Variants in BRK1 observed in about 807,000 individuals in gnomAD.
BRK1 encodes the protein protein BRICK1.
A neutral mutation model predicts 9.9 loss-of-function variants in BRK1; 6 were observed. The ratio of observed to expected loss-of-function variants is 0.60; its 90% CI spans 0.33 to 1.19. BRK1 has a LOEUF of 1.19. BRK1 is among the 50% of genes most tolerant of loss of function. The probability of loss-of-function intolerance (pLI) is 0.04; values close to 1 mark genes in which losing one functional copy is unlikely to be tolerated. For missense variants in BRK1, 62 were observed against 97.5 expected, an observed-to-expected ratio of 0.64 and a Z score of 1.53; for synonymous variants, 44 against 31.9, an observed-to-expected ratio of 1.38 and a Z score of -1.28.
rs869148224 is a variant in BRK1 at position 10,123,438 on chromosome 3, C to CTTTTTT, written c.119-2178_119-2173dup. On this transcript the variant is annotated intron_variant, in intron 1 of 2. Coordinates refer to ENST00000530758, the MANE Select transcript of BRK1 (RefSeq NM_018462.5). ...GCTTTCTTGGCCTCTACTTTCTTTC[C>CTTTTTT]TTTTTTTTTTTTTTTGAGACGGAGT... Among the ~76,000 whole-genome samples, 17,129 of 135,516 alleles carry CTTTTTT rather than the reference C, an allele frequency of 0.13. 1,456 individuals are homozygous for CTTTTTT. Among genetic ancestry groups the CTTTTTT allele is most frequent in the African/African-American group, 0.22 (7,675 of 35,224 alleles). The allele number at this position is 135,516 out of a possible 152,430, so 88.9% of individuals were successfully genotyped here.
At chr3:10,119,183 A>T (rs2125117327) in intron 1 of BRK1, among the ~76,000 whole-genome samples, 1 of 150,912 alleles carries the variant, frequency 6.6e-6, no homozygotes, top group Non-Finnish European at 1.5e-5. Flanking sequence ...GAGGCCAGGC[A>T]CAGTGGCTCA....
intron 1 of BRK1, among the ~76,000 whole-genome samples, chr3:10,122,498 G>T (rs1352778139): frequency 2.6e-5 from 4 of 151,920 alleles, no homozygotes; most frequent in Non-Finnish European, 4.4e-5. Flanking sequence ...TTGAGTTCAG[G>T]AGTTTGAGAT....
chr3:10,125,368 G>A (rs1033360787), intron 1 of BRK1, among the ~76,000 whole-genome samples: 6 of 152,072 alleles, frequency 3.9e-5, no homozygotes, highest in African/African-American at 9.7e-5. Context: ...TCCTCCCAAA[G>A]TGCTAGGATT....
intron 1 of BRK1, 84 bp downstream of exon 1, chr3:10,115,903 G>A (rs1695678347): frequency 7.6e-6 from 8 of 1,058,754 alleles, no homozygotes; most frequent in Non-Finnish European, 1.2e-5. Context: ...GCTTTGAGAG[G>A]ACTCCCGCAG....
intron 1 of BRK1, among the ~76,000 whole-genome samples, chr3:10,124,170 A>T (rs1695803754): frequency 6.6e-6 from 1 of 151,706 alleles, no homozygotes; most frequent in Admixed American, 6.6e-5. Flanking sequence ...ATATTACCAC[A>T]CAGGCTGGGC....
chr3:10,122,837 T>C (rs1181736840), intron 1 of BRK1, among the ~76,000 whole-genome samples: 1 of 152,190 alleles, frequency 6.6e-6, no homozygotes, highest in South Asian at 2.1e-4. Context: ...TTGAAGGAGA[T>C]AGGCAGGCAA....
chr3:10,126,417 C>G lies in BRK1; in HGVS notation c.*122C>G. 1 of 950,882 alleles carries G rather than the reference C, an allele frequency of 1.1e-6. No homozygotes were observed. Among genetic ancestry groups the G allele is most frequent in the Non-Finnish European group, 1.6e-6 (1 of 631,518 alleles). 58.9% of individuals were successfully genotyped at this position (950,882 alleles called of 1,614,324 possible). On this transcript the variant is annotated 3_prime_UTR_variant, in exon 3 of 3. Coordinates refer to ENST00000530758, the MANE Select transcript of BRK1 (RefSeq NM_018462.5). ...AGCAACAGGGCTTATTCTTGTTTTT[C>G]TTTTTTCAAAAGTGTGGCCTTTGGG...
chr3:10,116,067 G>A (rs888779711), intron 1 of BRK1, among the ~76,000 whole-genome samples: 1 of 152,084 alleles, frequency 6.6e-6, no homozygotes, highest in Non-Finnish European at 1.5e-5. Flanking sequence ...CATTCTACAA[G>A]TCCTTCTCCT....
Position 10,127,073 on chromosome 3 carries a change from GTTTGGACTTTC to G in BRK1, c.*779_*789del, listed in dbSNP as rs1405084167. The G allele has an allele frequency of 5.2e-5, 8 of 152,444 alleles. No individual in the cohort carries two copies. Among genetic ancestry groups the G allele is most frequent in the African/African-American group, 1.9e-4 (8 of 41,448 alleles). The allele number at this position is 152,444 out of a possible 1,614,324, so 9.4% of individuals were successfully genotyped here. A position where few individuals can be genotyped will look rare whatever the true frequency, so the allele number is the denominator to read the frequency against. Reference sequence around the variant, plus strand: ...GTGGCTTACCAGCCCAAGTCCCCATGTTTGGACTTTCAGCTGACTAGCTCATCTTGGGAATC... The same window carrying G: ...GTGGCTTACCAGCCCAAGTCCCCATGAGCTGACTAGCTCATCTTGGGAATC... On this transcript the variant is annotated 3_prime_UTR_variant, in exon 3 of 3. Transcript: ENST00000530758.
intron 1 of BRK1, among the ~76,000 whole-genome samples, chr3:10,118,494 A>AT (rs946954352): frequency 6.2e-4 from 92 of 147,358 alleles, no homozygotes; most frequent in Non-Finnish European, 9.6e-4. Flanking sequence ...TTACAGGTAG[A>AT]TTTTTTTTTT....
chr3:10,119,270 A>G (rs1438526020), intron 1 of BRK1, among the ~76,000 whole-genome samples: 2 of 152,130 alleles, frequency 1.3e-5, no homozygotes, highest in African/African-American at 4.8e-5. Context: ...CAGCCTGGCC[A>G]ATATGGCGAA....
chr3:10,125,454 A>G (rs1695826496), intron 1 of BRK1, among the ~76,000 whole-genome samples, 172 bp from the exon 2 acceptor site: 2 of 152,174 alleles, frequency 1.3e-5, no homozygotes, highest in South Asian at 4.1e-4. Flanking sequence ...AACACTTGAT[A>G]GGAAGTTCAG....
chr3:10,122,548 A>G (rs1377203554), intron 1 of BRK1, among the ~76,000 whole-genome samples: 1 of 151,882 alleles, frequency 6.6e-6, no homozygotes, highest in Non-Finnish European at 1.5e-5. Context: ...ATCTACCAAA[A>G]CAAAAAACAA....
rs1177201640 is a variant in BRK1, at chr3:10,126,606, C to T, written c.*311C>T. On this transcript the variant is annotated 3_prime_UTR_variant, in exon 3 of 3. Transcript: ENST00000530758. ...CCTGGGACTCTTTGTGAAGGTCCTC[C>T]TCACCTCTATCTTTCTTTCTCTCTC... The T allele has an allele frequency of 6.3e-6, 2 of 317,370 alleles. No individual in the cohort carries two copies. The highest frequency in any genetic ancestry group is 1.3e-4 in the East Asian group (2 of 15,800). The allele number at this position is 317,370 out of a possible 1,614,324, so 19.7% of individuals were successfully genotyped here.
At chr3:10,115,930 G>T (rs928907742) in intron 1 of BRK1, 111 bp downstream of exon 1, 5 of 819,374 alleles carry the variant, frequency 6.1e-6, no homozygotes, top group Non-Finnish European at 1.0e-5. Flanking sequence ...GCTGTTGCGG[G>T]TTTTCACTTC....
intron 1 of BRK1, among the ~76,000 whole-genome samples, chr3:10,121,977 C>T (rs545645039): frequency 6.6e-6 from 1 of 151,372 alleles, no homozygotes; most frequent in East Asian, 1.9e-4. Context: ...GCAACCTCCG[C>T]CTCCTGGGTT....
chr3:10,119,866 C>T (rs1252121268), intron 1 of BRK1, among the ~76,000 whole-genome samples: 2 of 151,882 alleles, frequency 1.3e-5, no homozygotes, highest in Non-Finnish European at 2.9e-5. Context: ...TTTTTAAAAT[C>T]TTGGTTTTTG....
At chr3:10,121,719 A>G (rs1695757842) in intron 1 of BRK1, among the ~76,000 whole-genome samples, 2 of 149,972 alleles carry the variant, frequency 1.3e-5, no homozygotes, top group South Asian at 4.2e-4. Context: ...TTCCTATTTC[A>G]TTAAATATTC....
chr3:10,120,904 A>C (rs1227840392), intron 1 of BRK1, among the ~76,000 whole-genome samples: 1 of 152,198 alleles, frequency 6.6e-6, no homozygotes, highest in African/African-American at 2.4e-5. Context: ...CTTCATGGGA[A>C]ATGGCAGGTT....
Sources: allele counts gnomAD v4.1 joint callset (sites outside exome capture counted in the v4.1 genomes callset), GRCh38; gene constraint gnomAD v4.1.1; transcripts MANE v1.5; gene names NCBI Gene and HGNC (gene_info 2026-07-23, HGNC 2026-07-21).